Variants in PLEKHG4B observed in about 807,000 individuals in gnomAD.
The protein encoded by PLEKHG4B is pleckstrin homology domain-containing family G member 4B.
Under a neutral mutation model 121.3 loss-of-function variants are expected in PLEKHG4B, and 111 were observed. That is an observed-to-expected ratio of 0.92 (90% CI 0.78 to 1.07). The LOEUF (loss-of-function observed/expected upper bound fraction) is 1.07, where lower values mean the gene tolerates loss of function less well. Among genes scored for constraint, PLEKHG4B ranks in the 50% least tolerant of loss-of-function variants. PLEKHG4B has a pLI of 0.00. For missense variants in PLEKHG4B, 1,831 were observed against 1,757.8 expected, an observed-to-expected ratio of 1.04 and a Z score of -0.74; for synonymous variants, 738 against 725.0, an observed-to-expected ratio of 1.02 and a Z score of -0.29.
At chr5:155,323 C>G (rs777374048) in intron 8 of PLEKHG4B, 22 bp from the exon 9 acceptor site, 1 of 1,592,448 alleles carries the variant, frequency 6.3e-7, no homozygotes, top group Non-Finnish European at 8.6e-7. Context: ...CTTATAATCT[C>G]CTCCCTCTCA....
intron 6 of PLEKHG4B, among the ~76,000 whole-genome samples, chr5:146,238 C>G (rs1735408507): frequency 7.8e-6 from 1 of 128,980 alleles, no homozygotes; most frequent in South Asian, 2.9e-4. Flanking sequence ...TCCTTTCCAC[C>G]CCCACAGTCG....
chr5:149,172 A>T (rs1735524335), intron 6 of PLEKHG4B, among the ~76,000 whole-genome samples: 1 of 152,220 alleles, frequency 6.6e-6, no homozygotes, highest in South Asian at 2.1e-4. Flanking sequence ...ATGATTTATT[A>T]GATATAATAT....
intron 2 of PLEKHG4B, among the ~76,000 whole-genome samples, chr5:133,691 C>T (rs1001035722): frequency 1.3e-5 from 2 of 152,112 alleles, no homozygotes; most frequent in East Asian, 1.9e-4. Context: ...GGAATGTAAA[C>T]TAATACAACC....
intron 9 of PLEKHG4B, 86 bp from the exon 10 acceptor site, chr5:155,985 C>T (rs1179978033): frequency 7.6e-7 from 1 of 1,316,244 alleles, no homozygotes; most frequent in African/African-American, 1.5e-5. Flanking sequence ...TTTATGGAAA[C>T]AGGACATTCC....
At position 143,200 on chromosome 5, in the gene PLEKHG4B, A is replaced by G. The variant is rs775901223; in HGVS notation, c.1631A>G (p.Lys544Arg). 1.1e-5 allele frequency: 18 copies of G among 1,611,558 alleles called. No homozygotes were observed. In the East Asian group the frequency reaches 3.6e-4, roughly 32 times the overall value. The change falls in exon 4 of 20, where the codon AAG becomes AGG. Residue 544 changes from lysine to arginine, a missense_variant. Coordinates refer to ENST00000637938, the MANE Select transcript of PLEKHG4B (RefSeq NM_052909.5). ...GTGDFPSQVP[K>R]QVLDVSQELL... ...GGAGACTTCCCCAGCCAGGTGCCCA[A>G]GCAGGTGCTGGACGTCAGTCAGGAG...
intron 11 of PLEKHG4B, among the ~76,000 whole-genome samples, chr5:158,574 G>T (rs185557627): frequency 4.9e-5 from 7 of 141,630 alleles, no homozygotes; most frequent in African/African-American, 1.9e-4. Context: ...TGCCCGTCCT[G>T]GGAGTCTCCT....
intron 1 of PLEKHG4B, among the ~76,000 whole-genome samples, chr5:102,725 G>A (rs1733858891): frequency 6.6e-6 from 1 of 152,244 alleles, no homozygotes; most frequent in Admixed American, 6.5e-5. Flanking sequence ...CTAGTCTCGA[G>A]TATCTCTTTA....
In PLEKHG4B at chr5:187,940, C is replaced by A; in HGVS notation, c.*5617C>A. The A allele has an allele frequency of 6.6e-6, 1 of 152,618 alleles. No homozygotes were observed. The highest frequency in any genetic ancestry group is 1.5e-5 in the Non-Finnish European group (1 of 68,264). The allele number at this position is 152,618 out of a possible 1,614,324, so 9.5% of individuals were successfully genotyped here. On this transcript the variant is annotated 3_prime_UTR_variant, in exon 20 of 20. Transcript: ENST00000637938. ...CAGGTCAGAGGGCAGCAGGAGGCCA[C>A]CCCACCTCCCCGGGTTCCCTCGAGC...
At chr5:118,188 A>G (rs150868396) in intron 2 of PLEKHG4B, among the ~76,000 whole-genome samples, 281 of 152,320 alleles carry the variant, frequency 1.8e-3, no homozygotes, top group African/African-American at 6.5e-3. Context: ...ACAAAAAGCC[A>G]GGAAGACATG....
At chr5:102,001 C>G (rs1733831740) in intron 1 of PLEKHG4B, among the ~76,000 whole-genome samples, 1 of 82,538 alleles carries the variant, frequency 1.2e-5, no homozygotes, top group Admixed American at 1.0e-4. Flanking sequence ...AGGGGAGAGA[C>G]TGTTGTGAGG....
intron 2 of PLEKHG4B, among the ~76,000 whole-genome samples, chr5:129,799 AG>A (rs1207708220): frequency 6.6e-6 from 1 of 152,208 alleles, no homozygotes; most frequent in Non-Finnish European, 1.5e-5. Flanking sequence ...TAAAATATTT[AG>A]GGTATGTATG....
Position 131,148 on chromosome 5 carries a change from A to G in PLEKHG4B, c.244-8335A>G, listed in dbSNP as rs549841597. ...TTTTTTACTTTAAATTCTAGGGTAC[A>G]TGTGCACAACGTGCAGGTTTGTTGC... On this transcript the variant is annotated intron_variant, in intron 2 of 19. Coordinates refer to ENST00000637938, the MANE Select transcript of PLEKHG4B (RefSeq NM_052909.5). 1.1e-4 allele frequency among the ~76,000 whole-genome samples: 16 copies of G among 148,502 alleles called. No homozygotes were observed. In the South Asian group the frequency reaches 1.9e-3, roughly 17 times the overall value.
Position 99,168 on chromosome 5 carries a change from GTGTATATATATATATATA to G in PLEKHG4B, c.45+6894_45+6911del, listed in dbSNP as rs1224523386. Among the ~76,000 whole-genome samples the G allele has an allele frequency of 6.6e-4, 30 of 45,118 alleles. 2 individuals are homozygous for G. The highest frequency in any genetic ancestry group is 2.7e-3 in the African/African-American group (28 of 10,224). 29.6% of individuals were successfully genotyped at this position (45,118 alleles called of 152,430 possible). A position where few individuals can be genotyped will look rare whatever the true frequency, so the allele number is the denominator to read the frequency against. On this transcript the variant is annotated intron_variant, in intron 1 of 19. Coordinates refer to ENST00000637938, the MANE Select transcript of PLEKHG4B (RefSeq NM_052909.5). ...GAGAGTCTGTCTCAAAAAAAAAAAA[GTGTATATATATATATATA>G]TATATATATATATATATATATATAT... is the stretch of plus-strand genomic sequence containing the variant.
At position 161,985 on chromosome 5, in the gene PLEKHG4B, C is replaced by T. The variant is rs1034696311; in HGVS notation, c.2649+41C>T. 6.4e-6 allele frequency: 10 copies of T among 1,561,882 alleles called. No individual in the cohort carries two copies. The African/African-American group carries it at 9.5e-5, about 15-fold the overall frequency. ...GGCGTGCGTCCCAGGGATCCCGGCT[C>T]CTTAGGCTGTGGACATCTAGCAAGT... On this transcript the variant is annotated intron_variant, in intron 12 of 19. Coordinates refer to ENST00000637938, the MANE Select transcript of PLEKHG4B (RefSeq NM_052909.5).
intron 2 of PLEKHG4B, among the ~76,000 whole-genome samples, chr5:135,080 T>G (rs1224231070): frequency 2.8e-5 from 4 of 144,502 alleles, no homozygotes; most frequent in African/African-American, 1.0e-4. Flanking sequence ...TCCCAGCTAC[T>G]GGGAGGCTGA....
At chr5:97,008 C>A (rs539004915) in intron 1 of PLEKHG4B, among the ~76,000 whole-genome samples, 1 of 152,248 alleles carries the variant, frequency 6.6e-6, no homozygotes, top group Non-Finnish European at 1.5e-5. Flanking sequence ...TGTTAGGCAA[C>A]CACCACCTCT....
intron 2 of PLEKHG4B, among the ~76,000 whole-genome samples, chr5:135,678 AAAAAATATATATATATAT>A (rs1455101494): frequency 4.4e-4 from 23 of 51,696 alleles, no homozygotes; most frequent in Non-Finnish European, 5.8e-4. Context: ...AAAAAAAAAA[AAAAAATATATATATATAT>A]ATATATATAT....
intron 2 of PLEKHG4B, among the ~76,000 whole-genome samples, chr5:138,557 A>G (rs1579275073): frequency 6.6e-6 from 1 of 152,344 alleles, no homozygotes; most frequent in South Asian, 2.1e-4. Context: ...TTTTATTGCC[A>G]TTCTGGAAAG....
At position 156,816 on chromosome 5, in the gene PLEKHG4B, G is replaced by A. The variant is rs1157092754; in HGVS notation, c.2392G>A (p.Glu798Lys). ...CACAAGCCTGTACGACCGAGTGGAT[G>A]AGGAGGTGCACAGGCTGGTCCTCAC... ...AATSLYDRVD[E>K]EVHRLVLTSN... Residue 798 changes from glutamate to lysine, a missense_variant, in exon 11 of 20, where the codon GAG becomes AAG. Physicochemically the swap from Glu to Lys is moderately conservative, Grantham distance 56. Transcript: ENST00000637938. This position sits in a 1 kb window ranked among gnomAD's most constrained non-coding sequence, Gnocchi z 4.4. 1.3e-6 allele frequency: 2 copies of A among 1,585,214 alleles called. No individual in the cohort carries two copies. The highest frequency in any genetic ancestry group is 1.7e-6 in the Non-Finnish European group (2 of 1,166,102).
Sources: gnomAD v4.1 joint callset for allele counts (sites outside exome capture counted in the v4.1 genomes callset) on GRCh38, gnomAD v4.1.1 for gene constraint, Gnocchi (gnomAD v3.1) non-coding constraint, MANE v1.5 for transcripts, NCBI Gene and HGNC (gene_info 2026-07-23, HGNC 2026-07-21) for gene names.